The following KCNMB2 variants were observed in gnomAD, a reference collection of about 807,000 sequenced individuals.
KCNMB2 encodes calcium-activated potassium channel subunit beta-2.
KCNMB2 carries 9 observed loss-of-function variants against 24.5 expected under a neutral mutation model. That is an observed-to-expected ratio of 0.37 (90% CI 0.22 to 0.64). The LOEUF (loss-of-function observed/expected upper bound fraction) is 0.64, where lower values mean the gene tolerates loss of function less well. KCNMB2 is among the 30% of genes least tolerant of loss of function. The pLI is 0.63. For synonymous variants in KCNMB2, 109 were observed against 104.4 expected, an observed-to-expected ratio of 1.04 and a Z score of -0.27; for missense variants, 226 against 284.3, an observed-to-expected ratio of 0.79 and a Z score of 1.47.
At position 178,607,224 on chromosome 3, in the gene KCNMB2, G is replaced by A. The variant is rs568965842; in HGVS notation, c.-68+70513G>A. 1.3e-4 allele frequency among the ~76,000 whole-genome samples: 20 copies of A among 152,252 alleles called. No homozygotes were observed. The South Asian group carries it at 3.9e-3, about 30-fold the overall frequency. On this transcript the variant is annotated intron_variant, in intron 1 of 4. Transcript: ENST00000452583. ...TGATTCGGGTGTAAAAAACATCGGG[G>A]CAGGTATACAGTGCAGTGGCAAAGG...
chr3:178,741,917 G>A (rs888696625), intron 1 of KCNMB2, among the ~76,000 whole-genome samples: 1 of 152,128 alleles, frequency 6.6e-6, no homozygotes, highest in African/African-American at 2.4e-5. Context: ...AACATTAATG[G>A]GTAATGAATA....
intron 2 of KCNMB2, among the ~76,000 whole-genome samples, chr3:178,811,590 C>T (rs900539271): frequency 1.3e-5 from 2 of 152,306 alleles, no homozygotes; most frequent in East Asian, 3.9e-4. Flanking sequence ...CATGAACATA[C>T]TACCATTTAT....
At chr3:178,740,242 C>T (rs1253797536) in intron 1 of KCNMB2, among the ~76,000 whole-genome samples, 2 of 152,042 alleles carry the variant, frequency 1.3e-5, no homozygotes, top group Non-Finnish European at 2.9e-5. Context: ...CCTCAGCCTC[C>T]TGAGTAGCTG....
intron 2 of KCNMB2, among the ~76,000 whole-genome samples, chr3:178,809,929 T>C (rs912538222): frequency 6.6e-6 from 1 of 152,196 alleles, no homozygotes; most frequent in Non-Finnish European, 1.5e-5. Context: ...TAAGTCTGCA[T>C]GGCCAAAAAA....
intron 1 of KCNMB2, among the ~76,000 whole-genome samples, chr3:178,670,218 T>A (rs1577085468): frequency 6.6e-6 from 1 of 152,090 alleles, no homozygotes; most frequent in Admixed American, 6.6e-5. Context: ...CCCTCCTTCA[T>A]AGCAATCCTC....
chr3:178,747,970 A>G (rs981011612), intron 1 of KCNMB2, among the ~76,000 whole-genome samples: 8 of 152,370 alleles, frequency 5.3e-5, no homozygotes, highest in Admixed American at 5.2e-4. Context: ...AATATGATTG[A>G]CATTTCTAAT....
chr3:178,628,708 T>C (rs1281330238), intron 1 of KCNMB2, among the ~76,000 whole-genome samples: 1 of 152,162 alleles, frequency 6.6e-6, no homozygotes, highest in Non-Finnish European at 1.5e-5. Flanking sequence ...CTGGTGTTTA[T>C]ATTAAGGACC....
intron 4 of KCNMB2, 147 bp downstream of exon 4, chr3:178,828,520 T>G: frequency 1.7e-6 from 1 of 595,724 alleles, no homozygotes; most frequent in Non-Finnish European, 3.0e-6. Context: ...ACTTGCTATG[T>G]GACTCTTGCC....
At chr3:178,723,908 T>C (rs1474576535) in intron 1 of KCNMB2, among the ~76,000 whole-genome samples, 3 of 152,162 alleles carry the variant, frequency 2.0e-5, no homozygotes, top group Admixed American at 2.0e-4. Context: ...AGGTTGAATC[T>C]ATGTCTTTGC....
chr3:178,549,950 T>G (rs755242977), intron 1 of KCNMB2, among the ~76,000 whole-genome samples: 12 of 152,166 alleles, frequency 7.9e-5, no homozygotes, highest in Non-Finnish European at 1.3e-4. Flanking sequence ...TCAGCTATCT[T>G]TCTATCCCCT....
intron 4 of KCNMB2, among the ~76,000 whole-genome samples, chr3:178,829,044 G>C (rs1714952850): frequency 6.6e-6 from 1 of 151,496 alleles, no homozygotes; most frequent in South Asian, 2.1e-4. Context: ...CCACATGGTA[G>C]ATATTCAACG....
chr3:178,826,920 T>A (rs1195380135), intron 3 of KCNMB2, among the ~76,000 whole-genome samples: 1 of 152,192 alleles, frequency 6.6e-6, no homozygotes, highest in Non-Finnish European at 1.5e-5. Context: ...TTTCAGCTCT[T>A]CACATCTGGT....
chr3:178,540,595 C>A (rs1023757767), intron 1 of KCNMB2, among the ~76,000 whole-genome samples: 3 of 152,198 alleles, frequency 2.0e-5, no homozygotes, highest in Non-Finnish European at 4.4e-5. Flanking sequence ...GGCTAGTGCT[C>A]AAATCCACCA....
At chr3:178,715,243 T>C (rs1452428575) in intron 1 of KCNMB2, among the ~76,000 whole-genome samples, 3 of 152,154 alleles carry the variant, frequency 2.0e-5, no homozygotes, top group East Asian at 3.8e-4. Flanking sequence ...TCTAGGGGGA[T>C]TGCAGGAGCC....
At chr3:178,773,740 G>T (rs1176111586) in intron 1 of KCNMB2, among the ~76,000 whole-genome samples, 1 of 152,096 alleles carries the variant, frequency 6.6e-6, no homozygotes, top group African/African-American at 2.4e-5. Flanking sequence ...AGCTGTGTGA[G>T]GTAAGGAGCT....
At chr3:178,806,360 T>C (rs774378743) in intron 1 of KCNMB2, among the ~76,000 whole-genome samples, 15 of 152,178 alleles carry the variant, frequency 9.9e-5, no homozygotes, top group Non-Finnish European at 1.8e-4. Flanking sequence ...CGTATGTGCA[T>C]AAATAATACA....
At chr3:178,560,329 T>C (rs1031051040) in intron 1 of KCNMB2, among the ~76,000 whole-genome samples, 2 of 152,124 alleles carry the variant, frequency 1.3e-5, no homozygotes, top group Non-Finnish European at 2.9e-5. Context: ...CAGGAGGCCT[T>C]TGTCTAAGAA....
chr3:178,711,588 G>T (rs1183366565), intron 1 of KCNMB2, among the ~76,000 whole-genome samples: 1 of 152,074 alleles, frequency 6.6e-6, no homozygotes, highest in Non-Finnish European at 1.5e-5. Flanking sequence ...GGGACTGGGA[G>T]CAGTCTCAGC....
intron 1 of KCNMB2, among the ~76,000 whole-genome samples, chr3:178,730,455 C>T (rs1577132563): frequency 6.8e-6 from 1 of 147,630 alleles, no homozygotes; most frequent in East Asian, 2.1e-4. Context: ...ATCCAATCCT[C>T]AGCTACTCCA....
Sources: gnomAD v4.1 joint callset for allele counts (sites outside exome capture counted in the v4.1 genomes callset) on GRCh38, gnomAD v4.1.1 for gene constraint, MANE v1.5 for transcripts, NCBI Gene and HGNC (gene_info 2026-07-23, HGNC 2026-07-21) for gene names.